MARK1: variants seen among roughly 807,000 people sequenced by gnomAD.
The protein encoded by MARK1 is microtubule affinity regulating kinase 1.
MARK1 carries 40 observed loss-of-function variants against 96.3 expected under a neutral mutation model. That is an observed-to-expected ratio of 0.42 (90% CI 0.32 to 0.54). The LOEUF is 0.54. Ranked by LOEUF, MARK1 falls within the 20% of genes least tolerant of loss-of-function variation. The pLI, the probability that MARK1 is intolerant of heterozygous loss-of-function variation, is 0.16. For synonymous variants in MARK1, 317 were observed against 341.2 expected (o/e 0.93, Z 0.78); for missense variants, 719 against 984.6 (o/e 0.73, Z 3.61).
chr1:220,529,678 C>T (rs374959799), intron 1 of MARK1, among the ~76,000 whole-genome samples: 3 of 152,162 alleles, frequency 2.0e-5, no homozygotes, highest in African/African-American at 4.8e-5. Flanking sequence ...TCAGATTGCC[C>T]TCTGGAGCTG....
At chr1:220,600,228 A>C (rs1257935095) in intron 5 of MARK1, among the ~76,000 whole-genome samples, 1 of 152,194 alleles carries the variant, frequency 6.6e-6, no homozygotes, top group Non-Finnish European at 1.5e-5. Flanking sequence ...AATAAAATCT[A>C]TAATAAAAGC....
rs7519187 is a variant in MARK1 at position 220,659,077 on chromosome 1, G to A, written c.2033+1243G>A. ...ATAGTTGCATTTTTGTCCTTTTAAT[G>A]TAACTATATAATTTTATTACATTAT... On this transcript the variant is annotated intron_variant, in intron 17 of 17. Transcript: ENST00000366917. 8.6e-3 allele frequency among the ~76,000 whole-genome samples: 1,304 copies of A among 152,132 alleles called. 16 individuals carry two copies. The highest frequency in any genetic ancestry group is 0.029 in the African/African-American group (1,192 of 41,496).
chr1:220,626,462 C>A, intron 9 of MARK1: 1 of 539,950 alleles, frequency 1.9e-6, no homozygotes. Context: ...ATTTCAAGTT[C>A]AGTGCTCTTA....
In MARK1 at chr1:220,618,579, C is replaced by G. The variant is rs1346080841; in HGVS notation, c.789+33C>G. 6.2e-7 allele frequency: 1 copy of G among 1,612,956 alleles called. No homozygotes were observed. On this transcript the variant is annotated intron_variant, in intron 8 of 17. Transcript: ENST00000366917. This position sits in a 1 kb window ranked among gnomAD's most constrained non-coding sequence, Gnocchi z 4.6. ...CTAAATTCTTTATTAATGTTTTATC[C>G]CCAAGTATGATTATGTCAAAAACCA...
At position 220,547,733 on chromosome 1, in the gene MARK1, T is replaced by C. The variant is rs546928579; in HGVS notation, c.51+18860T>C. On this transcript the variant is annotated intron_variant, in intron 1 of 17. Coordinates refer to ENST00000366917, the MANE Select transcript of MARK1 (RefSeq NM_018650.5). Reference sequence around the variant, plus strand: ...GTGCCCGCCACCACACCCGGCTACATTTTTTTGTATTTTTAGTAGAGACAG... The same window carrying C: ...GTGCCCGCCACCACACCCGGCTACACTTTTTTGTATTTTTAGTAGAGACAG... 7.2e-5 allele frequency among the ~76,000 whole-genome samples: 11 copies of C among 152,152 alleles called. No homozygotes were observed. The South Asian group carries it at 2.3e-3, about 32-fold the overall frequency.
intron 1 of MARK1, among the ~76,000 whole-genome samples, chr1:220,531,811 A>G (rs1660335587): frequency 6.6e-6 from 1 of 152,216 alleles, no homozygotes; most frequent in African/African-American, 2.4e-5. Context: ...ACTTTGTAGT[A>G]AAGTAAAAAA....
rs185370231 is a variant in MARK1 at position 220,625,940 on chromosome 1, A to G, written c.910-5095A>G. On this transcript the variant is annotated intron_variant, in intron 9 of 17. Coordinates refer to ENST00000366917, the MANE Select transcript of MARK1 (RefSeq NM_018650.5). ...AGTACTGAGGAGATGACCAAGTACC[A>G]CAGGGATGACTACATTAAATTCTTG... The G allele has an allele frequency of 4.0e-4, 218 of 543,758 alleles. 1 individual carries two copies. Among genetic ancestry groups the G allele is most frequent in the African/African-American group, 3.7e-3 (195 of 52,520 alleles). The allele number at this position is 543,758 out of a possible 1,614,324, so 33.7% of individuals were successfully genotyped here.
At chr1:220,583,908 T>C (rs574338788) in intron 3 of MARK1, among the ~76,000 whole-genome samples, 119 of 149,208 alleles carry the variant, frequency 8.0e-4, no homozygotes, top group Non-Finnish European at 1.4e-3. Context: ...CCTCGTGATA[T>C]ACCCACCTCG....
chr1:220,589,969 A>G (rs1300097036), intron 3 of MARK1, among the ~76,000 whole-genome samples: 2 of 152,170 alleles, frequency 1.3e-5, no homozygotes, highest in East Asian at 1.9e-4. Flanking sequence ...CTAAATGCCT[A>G]CTCAGCTCTC....
In MARK1 at chr1:220,635,514, C is replaced by T. The variant is rs767820453; in HGVS notation, c.1261C>T (p.Arg421Cys). Residue 421 changes from arginine (R) to cysteine (C), a missense_variant, in exon 12 of 18, where the codon CGT becomes TGT. Around this residue, in one of 4 missense-constraint regions of MARK1, gnomAD observed 501 missense variants for 588.3 expected, o/e 0.85. Coordinates refer to ENST00000366917, the MANE Select transcript of MARK1 (RefSeq NM_018650.5). ...TATCTCAGCAAATCAGAAGCAGCGG[C>T]GTTTCAGTGATCATGGTAGGGGAAA... Reference protein sequence around the residue: ...RSISANQKQRRFSDHAGPSIP... With the variant: ...RSISANQKQRCFSDHAGPSIP... 13 of 1,608,994 alleles carry T rather than the reference C, an allele frequency of 8.1e-6. No individual in the cohort carries two copies. Among genetic ancestry groups the T allele is most frequent in the African/African-American group, 5.4e-5 (4 of 74,522 alleles).
Position 220,528,367 on chromosome 1 carries a change from G to A in MARK1, c.-456G>A, listed in dbSNP as rs1426518229. On this transcript the variant is annotated 5_prime_UTR_variant, in exon 1 of 18. Coordinates refer to ENST00000366917, the MANE Select transcript of MARK1 (RefSeq NM_018650.5). Reference sequence around the variant, plus strand: ...GCCGTACACCTGAGGCGGAGAACGGGGCGCGGCGCGGGTGACGCTGTCAGG... The same window carrying A: ...GCCGTACACCTGAGGCGGAGAACGGAGCGCGGCGCGGGTGACGCTGTCAGG... 6.4e-6 allele frequency: 1 copy of A among 156,364 alleles called. No homozygotes were observed. The highest frequency in any genetic ancestry group is 1.4e-5 in the Non-Finnish European group (1 of 71,086). 9.7% of individuals were successfully genotyped at this position (156,364 alleles called of 1,614,324 possible).
chr1:220,532,864 G>T (rs997388389), intron 1 of MARK1, among the ~76,000 whole-genome samples: 3 of 151,984 alleles, frequency 2.0e-5, no homozygotes, highest in Admixed American at 2.0e-4. Context: ...AAATAAGCTG[G>T]GCATGGTGGT....
At chr1:220,652,282 A>G in intron 15 of MARK1, 132 bp downstream of exon 15, 1 of 616,646 alleles carries the variant, frequency 1.6e-6, no homozygotes. Context: ...TGGAGGAAAA[A>G]TTGAATTGTA....
chr1:220,657,700 C>A, intron 16 of MARK1, 90 bp from the exon 17 acceptor site: 2 of 921,250 alleles, frequency 2.2e-6, no homozygotes, highest in Non-Finnish European at 3.2e-6. Flanking sequence ...GTTTGCTCAA[C>A]AAGCTAATTT....
At chr1:220,530,900 A>G (rs554251820) in intron 1 of MARK1, among the ~76,000 whole-genome samples, 1 of 152,300 alleles carries the variant, frequency 6.6e-6, no homozygotes, top group Admixed American at 6.5e-5. Flanking sequence ...AATATCTATT[A>G]TATGACACCT....
chr1:220,649,530 A>T (rs558310391), intron 13 of MARK1, among the ~76,000 whole-genome samples: 4 of 152,278 alleles, frequency 2.6e-5, no homozygotes, highest in African/African-American at 9.6e-5. Flanking sequence ...CAATTGGCCT[A>T]CATGTTCCAA....
At chr1:220,559,991 G>A (rs1233816991) in intron 1 of MARK1, among the ~76,000 whole-genome samples, 1 of 152,116 alleles carries the variant, frequency 6.6e-6, no homozygotes, top group Non-Finnish European at 1.5e-5. Context: ...AGGAGAAAGA[G>A]GTTTAATGGA....
intron 1 of MARK1, among the ~76,000 whole-genome samples, chr1:220,566,089 G>A (rs1663038721): frequency 6.6e-6 from 1 of 152,140 alleles, no homozygotes; most frequent in Non-Finnish European, 1.5e-5. Context: ...ATTGGGTAAT[G>A]TTATCAGTTT....
At chr1:220,623,828 G>C (rs912050906) in intron 9 of MARK1, among the ~76,000 whole-genome samples, 1 of 152,128 alleles carries the variant, frequency 6.6e-6, no homozygotes, top group Non-Finnish European at 1.5e-5. Flanking sequence ...CCTCCTCACT[G>C]TTCCTCACAT....
Sources: gnomAD v4.1 joint callset for allele counts (sites outside exome capture counted in the v4.1 genomes callset) on GRCh38, gnomAD v4.1.1 for gene constraint, gnomAD v4.1.1 regional missense constraint, Gnocchi (gnomAD v3.1) non-coding constraint, MANE v1.5 for transcripts, NCBI Gene and HGNC (gene_info 2026-07-23, HGNC 2026-07-21) for gene names.